ASAP1: variants seen among roughly 807,000 people sequenced by gnomAD.
The protein encoded by ASAP1 is arf-GAP with SH3 domain, ANK repeat and PH domain-containing protein 1.
ASAP1 carries 43 observed loss-of-function variants against 145.2 expected under a neutral mutation model. That is an observed-to-expected ratio of 0.30 (90% CI 0.23 to 0.38). The LOEUF is 0.38. ASAP1 is among the 10% of genes least tolerant of loss of function. The probability of loss-of-function intolerance (pLI) is 1.00; values close to 1 mark genes in which losing one functional copy is unlikely to be tolerated. For missense variants in ASAP1, 1,018 were observed against 1,355.3 expected (o/e 0.75, Z 3.91); for synonymous variants, 546 against 515.5 (o/e 1.06, Z -0.80).
chr8:130,242,848 G>A (rs999414816), intron 3 of ASAP1, among the ~76,000 whole-genome samples: 5 of 152,072 alleles, frequency 3.3e-5, no homozygotes, highest in African/African-American at 1.2e-4. Flanking sequence ...AAAGATATAG[G>A]CAAACCACGC....
Position 130,151,585 on chromosome 8 carries a change from C to T in ASAP1, c.1080+1151G>A, listed in dbSNP as rs539044348. Among the ~76,000 whole-genome samples, 6 of 152,074 alleles carry T rather than the reference C, an allele frequency of 3.9e-5. No individual in the cohort carries two copies. In the South Asian group the frequency reaches 6.2e-4, roughly 16 times the overall value. The stretch of plus-strand genomic sequence containing the variant: ...ATTGCAGACCTCTGAGGAATTCCTC[C>T]GAAGAATCACTGAAAAGTGTGCTGC... On this transcript the variant is annotated intron_variant, in intron 13 of 29. Coordinates refer to ENST00000518721, the MANE Select transcript of ASAP1 (RefSeq NM_018482.4).
At chr8:130,086,710 G>A (rs11778454) in intron 25 of ASAP1, among the ~76,000 whole-genome samples, 8,119 of 152,246 alleles carry the variant, frequency 0.053, 285 homozygotes, top group Middle Eastern at 0.078. Flanking sequence ...AGACTGAGGT[G>A]GGAAGATAGC....
chr8:130,095,727 T>G (rs1422458277), intron 24 of ASAP1, among the ~76,000 whole-genome samples: 2 of 151,876 alleles, frequency 1.3e-5, no homozygotes, highest in African/African-American at 4.8e-5. Context: ...CAAGGGATTC[T>G]CCTGTCTCAG....
intron 5 of ASAP1, among the ~76,000 whole-genome samples, chr8:130,205,718 G>T (rs1370572599): frequency 6.7e-6 from 1 of 150,024 alleles, no homozygotes; most frequent in Non-Finnish European, 1.5e-5. Context: ...CAGACTTCAT[G>T]TGAATATTCA....
chr8:130,259,815 T>C lies in ASAP1; in HGVS notation c.187-22821A>G, dbSNP rs1410916050. The stretch of plus-strand genomic sequence containing the variant: ...ATTTTAATTCAATGAACTTCACACA[T>C]ACAGGCCAAGAGTTCTAAGACAAGC... On this transcript the variant is annotated intron_variant, in intron 3 of 29. Transcript: ENST00000518721. 9.2e-5 allele frequency among the ~76,000 whole-genome samples: 14 copies of C among 152,184 alleles called. No individual in the cohort carries two copies. In the East Asian group the frequency reaches 2.7e-3, roughly 29 times the overall value.
intron 5 of ASAP1, among the ~76,000 whole-genome samples, chr8:130,191,839 A>AGGGAGCAGAGAGGGGCG (rs1234729079): frequency 2.6e-5 from 4 of 152,164 alleles, no homozygotes; most frequent in Non-Finnish European, 4.4e-5. Flanking sequence ...TAAGATAATG[A>AGGGAGCAGAGAGGGGCG]GGGAGCAGAG....
At position 130,101,732 on chromosome 8, in the gene ASAP1, A is replaced by ATTTTTTTTTTTTT. The variant is rs59778799; in HGVS notation, c.2402-9602_2402-9590dup. ...AGGCATGTGCTACCACACCTGGTTA[A>ATTTTTTTTTTTTT]TTTTTTTTTTTTTTTTTTTTGCAGA... On this transcript the variant is annotated intron_variant, in intron 24 of 29. Transcript: ENST00000518721. Among the ~76,000 whole-genome samples the ATTTTTTTTTTTTT allele has an allele frequency of 1.6e-3, 138 of 86,916 alleles. 16 individuals are homozygous for ATTTTTTTTTTTTT. Among genetic ancestry groups the ATTTTTTTTTTTTT allele is most frequent in the African/African-American group, 6.9e-3 (124 of 18,084 alleles). 57.0% of individuals were successfully genotyped at this position (86,916 alleles called of 152,430 possible).
intron 3 of ASAP1, among the ~76,000 whole-genome samples, chr8:130,325,923 G>A (rs1464404999): frequency 6.6e-6 from 1 of 152,104 alleles, no homozygotes; most frequent in Non-Finnish European, 1.5e-5. Context: ...GGTAAGTTAT[G>A]CACCTTACAT....
intron 3 of ASAP1, among the ~76,000 whole-genome samples, chr8:130,354,501 T>C (rs935869783): frequency 3.3e-5 from 5 of 152,180 alleles, no homozygotes; most frequent in Non-Finnish European, 1.5e-5. Flanking sequence ...CTGACAAAGG[T>C]ACTAAGTATT....
At chr8:130,077,537 CTTTTTTTTT>C (rs58327713) in intron 26 of ASAP1, among the ~76,000 whole-genome samples, 17 of 62,036 alleles carry the variant, frequency 2.7e-4, no homozygotes, top group Non-Finnish European at 2.2e-4. Flanking sequence ...GCTGCTGCTG[CTTTTTTTTT>C]TTTTTTTTTT....
intron 3 of ASAP1, among the ~76,000 whole-genome samples, chr8:130,269,645 G>C (rs151102929): frequency 9.9e-4 from 151 of 152,310 alleles, no homozygotes; most frequent in African/African-American, 3.5e-3. Context: ...ATGTGTGACT[G>C]TCTCTTTCAC....
chr8:130,181,917 G>A (rs1248382271), intron 7 of ASAP1, among the ~76,000 whole-genome samples: 1 of 152,132 alleles, frequency 6.6e-6, no homozygotes, highest in Non-Finnish European at 1.5e-5. Flanking sequence ...GTGGTGGTAG[G>A]GGAAACCAAC....
intron 3 of ASAP1, among the ~76,000 whole-genome samples, chr8:130,331,943 C>T (rs964502813): frequency 2.6e-5 from 4 of 152,036 alleles, no homozygotes; most frequent in African/African-American, 9.7e-5. Context: ...GAAGTCTCGG[C>T]CCAAGGTCTA....
At chr8:130,340,470 T>A (rs1261913477) in intron 3 of ASAP1, among the ~76,000 whole-genome samples, 1 of 152,230 alleles carries the variant, frequency 6.6e-6, no homozygotes, top group Non-Finnish European at 1.5e-5. Context: ...ATACTATCAC[T>A]TTTCTAGGAG....
chr8:130,084,224 G>C (rs2097487710), intron 25 of ASAP1: 1 of 152,240 alleles, frequency 6.6e-6, no homozygotes, highest in South Asian at 2.1e-4. Context: ...TGGCTGGGTA[G>C]GCGTCTATGG....
intron 5 of ASAP1, among the ~76,000 whole-genome samples, chr8:130,207,623 C>A (rs895830316): frequency 3.9e-5 from 6 of 152,292 alleles, no homozygotes; most frequent in Admixed American, 2.0e-4. Context: ...AACAAGCCCA[C>A]ACAAGTAAGA....
Position 130,118,247 on chromosome 8 carries a change from C to CTT in ASAP1, c.1795-2_1795-1insAA. 6.2e-7 allele frequency: 1 copy of CTT among 1,613,432 alleles called. No individual in the cohort carries two copies. The highest frequency in any genetic ancestry group is 8.5e-7 in the Non-Finnish European group (1 of 1,179,668). ...GGTGAAGGGCTGTCTCCCCAAGCTCCTAAAAAGGGAAAGAAAAGTATAAGT... is the reference window on the plus strand; with the variant it reads ...GGTGAAGGGCTGTCTCCCCAAGCTCCTTTAAAAAGGGAAAGAAAAGTATAAGT... On this transcript the variant is annotated splice_acceptor_variant, in intron 19 of 29. Transcript: ENST00000518721. LOFTEE classifies it high-confidence loss of function.
At chr8:130,311,761 C>CAAAAAAAAAAAAAAA (rs201264577) in intron 3 of ASAP1, among the ~76,000 whole-genome samples, 1 of 85,354 alleles carries the variant, frequency 1.2e-5, no homozygotes, top group African/African-American at 5.4e-5. Flanking sequence ...AACTCCGTCT[C>CAAAAAAAAAAAAAAA]AAAAAAAAAA....
intron 9 of ASAP1, among the ~76,000 whole-genome samples, chr8:130,175,223 T>A (rs1480781458): frequency 6.6e-6 from 1 of 152,152 alleles, no homozygotes; most frequent in Non-Finnish European, 1.5e-5. Context: ...CATTTGTGTG[T>A]GTGTGTGTAC....
Sources: gnomAD v4.1 joint callset for allele counts (sites outside exome capture counted in the v4.1 genomes callset) on GRCh38, gnomAD v4.1.1 for gene constraint, MANE v1.5 for transcripts, NCBI Gene and HGNC (gene_info 2026-07-23, HGNC 2026-07-21) for gene names.